Variants in ZNF536 observed in about 807,000 individuals in gnomAD.
ZNF536 encodes zinc finger protein 536.
Under a neutral mutation model 84.5 loss-of-function variants are expected in ZNF536, and 13 were observed. The ratio of observed to expected loss-of-function variants is 0.15; its 90% CI spans 0.10 to 0.24. The LOEUF is 0.24. ZNF536 is among the 10% of genes least tolerant of loss of function. The pLI, the probability that ZNF536 is intolerant of heterozygous loss-of-function variation, is 1.00. For synonymous variants in ZNF536, 811 were observed against 742.5 expected (o/e 1.09, Z -1.50); for missense variants, 1,536 against 1,747.5 (o/e 0.88, Z 2.16).
downstream of ZNF536, among the ~76,000 whole-genome samples, chr19:30,560,181 C>T (rs1802949646): frequency 2.0e-5 from 3 of 152,040 alleles, no homozygotes; most frequent in South Asian, 2.1e-4. Flanking sequence ...CTTCATTTTA[C>T]AGCTCTGCAA....
At chr19:30,449,980 G>A (rs940959583) in intron 2 of ZNF536, among the ~76,000 whole-genome samples, 3 of 150,652 alleles carry the variant, frequency 2.0e-5, no homozygotes, top group Non-Finnish European at 4.4e-5. Context: ...CACGATAACC[G>A]GTGCCTGCTC....
At chr19:30,303,370 G>A (rs2046247831) in intron 2 of ZNF536, among the ~76,000 whole-genome samples, 1 of 152,348 alleles carries the variant, frequency 6.6e-6, no homozygotes, top group Non-Finnish European at 1.5e-5. Flanking sequence ...GAGGCAGTGC[G>A]GGAGGTGCAG....
At chr19:30,351,573 C>T (rs1357080967) in intron 2 of ZNF536, among the ~76,000 whole-genome samples, 2 of 152,184 alleles carry the variant, frequency 1.3e-5, no homozygotes, top group Non-Finnish European at 2.9e-5. Flanking sequence ...TTATCATTTT[C>T]TCCTTCTTGT....
chr19:30,267,236 G>A (rs1406022431), intron 1 of ZNF536, among the ~76,000 whole-genome samples: 3 of 152,070 alleles, frequency 2.0e-5, no homozygotes, highest in African/African-American at 7.2e-5. Flanking sequence ...TTCCATTACT[G>A]TCTATTTCTG....
chr19:30,488,689 C>G (rs558334048), intron 2 of ZNF536, among the ~76,000 whole-genome samples: 1 of 151,924 alleles, frequency 6.6e-6, no homozygotes, highest in Non-Finnish European at 1.5e-5. Context: ...GGGCAGAGGG[C>G]GGGTTGAGGG....
chr19:30,248,213 TTCTTTTCTTTC>T (rs1213111555), intron 1 of ZNF536, among the ~76,000 whole-genome samples: 1 of 142,024 alleles, frequency 7.0e-6, no homozygotes, highest in Non-Finnish European at 1.5e-5. Context: ...TTCTTTCTTT[TTCTTTTCTTTC>T]TTTTTTTTTT....
chr19:30,698,654 GA>G (rs1485110061), intron 1 of ZNF536, among the ~76,000 whole-genome samples: 2 of 152,080 alleles, frequency 1.3e-5, no homozygotes, highest in Non-Finnish European at 2.9e-5. Context: ...TGGATTTAGG[GA>G]AGGAAGACCA....
rs201482419 is a variant in ZNF536 at position 30,444,478 on chromosome 19, G to C, written c.916G>C (p.Asp306His). 1 of 1,611,000 alleles carries C rather than the reference G, an allele frequency of 6.2e-7. No homozygotes were observed. The highest frequency in any genetic ancestry group is 8.5e-7 in the Non-Finnish European group (1 of 1,179,840). ...LHKPYKCTLC[D>H]FAASQEEELI... ...CAAGCCCTACAAGTGCACGTTGTGC[G>C]ACTTCGCGGCTTCGCAGGAGGAGGA... Residue 306 changes from aspartate (D) to histidine (H), a missense_variant, in exon 2 of 5, where the codon GAC (aspartate) becomes CAC (histidine). Transcript: ENST00000355537.
chr19:30,423,697 C>T (rs190226831), intron 1 of ZNF536, among the ~76,000 whole-genome samples: 87 of 152,336 alleles, frequency 5.7e-4, no homozygotes, highest in Non-Finnish European at 6.9e-4. Flanking sequence ...TGTCCCCAGC[C>T]GCTGAGGGCC....
At chr19:30,286,266 C>A (rs936257770) in intron 2 of ZNF536, among the ~76,000 whole-genome samples, 2 of 152,146 alleles carry the variant, frequency 1.3e-5, no homozygotes, top group African/African-American at 4.8e-5. Flanking sequence ...ATTACACGCT[C>A]AAATCAAAGT....
At chr19:30,337,780 A>G (rs1440725519) in intron 2 of ZNF536, among the ~76,000 whole-genome samples, 1 of 152,216 alleles carries the variant, frequency 6.6e-6, no homozygotes, top group Non-Finnish European at 1.5e-5. Context: ...GTGAGGATAA[A>G]GCGAATAGCA....
intron 2 of ZNF536, among the ~76,000 whole-genome samples, chr19:30,319,150 T>C (rs2046775619): frequency 6.6e-6 from 1 of 152,224 alleles, no homozygotes; most frequent in South Asian, 2.1e-4. Flanking sequence ...ACAAGTGTAT[T>C]CTGGGAGTTA....
intron 2 of ZNF536, among the ~76,000 whole-genome samples, chr19:30,351,051 C>A (rs746967191): frequency 6.6e-6 from 1 of 152,134 alleles, no homozygotes; most frequent in African/African-American, 2.4e-5. Context: ...AAAATAAAGA[C>A]GGGGAATAAA....
chr19:30,539,620 C>T (rs1004081184), intron 3 of ZNF536, among the ~76,000 whole-genome samples: 2 of 152,222 alleles, frequency 1.3e-5, no homozygotes, highest in Non-Finnish European at 2.9e-5. Flanking sequence ...GTTGGCAAAT[C>T]ATTTCAGGAT....
At chr19:30,514,385 G>A (rs2055546317) in intron 2 of ZNF536, among the ~76,000 whole-genome samples, 1 of 151,974 alleles carries the variant, frequency 6.6e-6, no homozygotes, top group Non-Finnish European at 1.5e-5. Flanking sequence ...TTTCTGATTG[G>A]TTTTCTGGTA....
chr19:30,375,873 G>A (rs532295475), intron 1 of ZNF536, among the ~76,000 whole-genome samples: 2 of 152,290 alleles, frequency 1.3e-5, no homozygotes, highest in South Asian at 4.1e-4. Flanking sequence ...GTAGGCGCGT[G>A]TGTGTGCGTG....
At chr19:30,701,574 C>T (rs1313625787) in intron 1 of ZNF536, among the ~76,000 whole-genome samples, 2 of 152,158 alleles carry the variant, frequency 1.3e-5, no homozygotes, top group Non-Finnish European at 2.9e-5. Flanking sequence ...CACACATACA[C>T]ATGGTACACA....
At chr19:30,375,182 C>A (rs1482842607) in intron 1 of ZNF536, among the ~76,000 whole-genome samples, 1 of 149,966 alleles carries the variant, frequency 6.7e-6, no homozygotes, top group Non-Finnish European at 1.5e-5. Context: ...CCTCCCGCCG[C>A]CTGCGTTCGT....
rs543352563 is a variant in ZNF536, at chr19:30,232,981, G to C, written c.-190+4308G>C. Among the ~76,000 whole-genome samples, 97 of 152,332 alleles carry C rather than the reference G, an allele frequency of 6.4e-4. 1 individual carries two copies. The highest frequency in any genetic ancestry group is 4.1e-4 in the South Asian group (2 of 4,830). ...GCCTTGTCTTGGGCCTCTTCAGGGGGGTGGAAGGTCAGCTGTGGTCCTACC... is the reference window on the plus strand; with the variant it reads ...GCCTTGTCTTGGGCCTCTTCAGGGGCGTGGAAGGTCAGCTGTGGTCCTACC... On this transcript the variant is annotated intron_variant, in intron 1 of 5. Transcript: ENST00000585628.
Sources: allele counts gnomAD v4.1 joint callset (sites outside exome capture counted in the v4.1 genomes callset), GRCh38; gene constraint gnomAD v4.1.1; transcripts MANE v1.5; gene names NCBI Gene and HGNC (gene_info 2026-07-23, HGNC 2026-07-21).